The following GRIP1 variants were observed in gnomAD, a reference collection of about 807,000 sequenced individuals.
The protein encoded by GRIP1 is glutamate receptor interacting protein 1, also known as glutamate receptor-interacting protein 1.
Under a neutral mutation model 129.9 loss-of-function variants are expected in GRIP1, and 45 were observed. The observed-to-expected ratio is 0.35, with a 90% CI of 0.27 to 0.44. The LOEUF is 0.44. Among genes scored for constraint, GRIP1 ranks in the 20% least tolerant of loss-of-function variants. GRIP1 has a pLI of 1.00. For synonymous variants in GRIP1, 530 were observed against 520.8 expected (o/e 1.02, Z -0.24); for missense variants, 1,196 against 1,396.8 (o/e 0.86, Z 2.29).
intron 15 of GRIP1, among the ~76,000 whole-genome samples, chr12:66,414,932 TATAAAATAAAATAAAATAAA>T (rs56917803): frequency 0.082 from 9,941 of 121,956 alleles, 495 homozygotes; most frequent in South Asian, 0.12. Context: ...TTACACCTTA[TATAAAATAAAATAAAATAAA>T]ATAAAATAAA....
At chr12:66,732,559 CAA>C (rs796158797) in intron 1 of GRIP1, among the ~76,000 whole-genome samples, 1 of 143,748 alleles carries the variant, frequency 7.0e-6, no homozygotes, top group Admixed American at 7.0e-5. Flanking sequence ...AACAAACAAA[CAA>C]AAAAAAAACA....
intron 1 of GRIP1, among the ~76,000 whole-genome samples, chr12:66,824,543 G>A (rs552783372): frequency 3.3e-5 from 5 of 152,234 alleles, no homozygotes; most frequent in East Asian, 1.9e-4. Context: ...CCACCAAGCC[G>A]AATGCCCTTT....
intron 2 of GRIP1, chr12:66,568,808 T>A (rs189566428): frequency 3.1e-6 from 1 of 317,510 alleles, no homozygotes; most frequent in Non-Finnish European, 6.2e-6. Flanking sequence ...TATTTGGTGT[T>A]GGAGTCTAAT....
chr12:67,043,834 T>C (rs140082117), intron 1 of GRIP1, among the ~76,000 whole-genome samples: 2,139 of 152,328 alleles, frequency 0.014, 27 homozygotes, highest in Middle Eastern at 0.034. Flanking sequence ...GCTGAGATAT[T>C]TGCATTTGTA....
intron 1 of GRIP1, among the ~76,000 whole-genome samples, chr12:66,759,971 C>A (rs1012020218): frequency 6.6e-6 from 1 of 152,054 alleles, no homozygotes; most frequent in African/African-American, 2.4e-5. Context: ...TCTCCTGCCT[C>A]AGCCTCCAGA....
intron 7 of GRIP1, among the ~76,000 whole-genome samples, chr12:66,495,798 C>G (rs1176532799): frequency 6.6e-6 from 1 of 152,188 alleles, no homozygotes. Context: ...AGGAACTCAA[C>G]AGATGCACTG....
intron 2 of GRIP1, among the ~76,000 whole-genome samples, chr12:66,590,820 T>G (rs1227300295): frequency 6.6e-6 from 1 of 152,188 alleles, no homozygotes; most frequent in Non-Finnish European, 1.5e-5. Flanking sequence ...GGAAATGTCA[T>G]GTTGGGTGGA....
At chr12:66,899,432 T>C (rs1239618927) in intron 1 of GRIP1, among the ~76,000 whole-genome samples, 2 of 150,432 alleles carry the variant, frequency 1.3e-5, no homozygotes, top group African/African-American at 2.5e-5. Context: ...GGCACGATCA[T>C]AGCTCAGTAC....
chr12:66,725,301 T>G (rs967587757), intron 1 of GRIP1, among the ~76,000 whole-genome samples: 2 of 151,908 alleles, frequency 1.3e-5, no homozygotes, highest in Non-Finnish European at 2.9e-5. Flanking sequence ...AGAGCCTGTC[T>G]CAAAAAAACA....
chr12:67,021,924 C>T (rs2042872870), intron 1 of GRIP1, among the ~76,000 whole-genome samples: 1 of 152,090 alleles, frequency 6.6e-6, no homozygotes, highest in South Asian at 2.1e-4. Flanking sequence ...CTGGTCCTGG[C>T]TTATTTCACT....
intron 1 of GRIP1, among the ~76,000 whole-genome samples, chr12:66,689,413 C>T (rs1282863226): frequency 1.3e-5 from 2 of 152,164 alleles, no homozygotes; most frequent in East Asian, 1.9e-4. Context: ...TCATTGTCAT[C>T]ATGATCATCA....
chr12:66,517,552 G>A (rs1332754710), intron 6 of GRIP1, among the ~76,000 whole-genome samples: 1 of 152,106 alleles, frequency 6.6e-6, no homozygotes, highest in Non-Finnish European at 1.5e-5. Context: ...TAAATGCTGA[G>A]TTCTGTAAGT....
intron 2 of GRIP1, among the ~76,000 whole-genome samples, chr12:66,578,545 C>A (rs537169734): frequency 3.7e-4 from 57 of 152,298 alleles, no homozygotes; most frequent in African/African-American, 1.3e-3. Context: ...AATCGGGTCA[C>A]TCCCACCCAA....
intron 1 of GRIP1, among the ~76,000 whole-genome samples, chr12:66,622,836 T>C (rs548783070): frequency 6.6e-6 from 1 of 152,284 alleles, no homozygotes; most frequent in East Asian, 1.9e-4. Context: ...TTTCGGGATG[T>C]TTCACATGAT....
intron 19 of GRIP1, 101 bp downstream of exon 19, chr12:66,392,207 A>C (rs2056615013): frequency 1.3e-6 from 1 of 755,158 alleles, no homozygotes. Context: ...AGCAGACACA[A>C]GTTAAAGAAA....
intron 1 of GRIP1, among the ~76,000 whole-genome samples, chr12:66,726,222 C>T (rs2036250129): frequency 6.6e-6 from 1 of 152,174 alleles, no homozygotes; most frequent in South Asian, 2.1e-4. Flanking sequence ...AATTTTCTCA[C>T]ACCACACTGC....
intron 1 of GRIP1, among the ~76,000 whole-genome samples, chr12:66,610,114 C>G (rs145996166): frequency 6.6e-6 from 1 of 151,882 alleles, no homozygotes; most frequent in Non-Finnish European, 1.5e-5. Context: ...AATATTGATA[C>G]GCAAATCAGT....
intron 7 of GRIP1, among the ~76,000 whole-genome samples, chr12:66,505,181 G>A (rs1482428328): frequency 1.3e-5 from 2 of 152,168 alleles, no homozygotes; most frequent in African/African-American, 2.4e-5. Flanking sequence ...CTTAAAAGTA[G>A]AGGACTTTCT....
chr12:67,000,156 T>C (rs139119729), intron 1 of GRIP1, among the ~76,000 whole-genome samples: 200 of 152,296 alleles, frequency 1.3e-3, no homozygotes, highest in African/African-American at 4.7e-3. Context: ...CTCTGTCTTG[T>C]ACATCTCTTT....
Sources: gnomAD v4.1 joint callset for allele counts (sites outside exome capture counted in the v4.1 genomes callset) on GRCh38, gnomAD v4.1.1 for gene constraint, MANE v1.5 for transcripts, NCBI Gene and HGNC (gene_info 2026-07-23, HGNC 2026-07-21) for gene names.